Variants in FOXP2 observed in about 807,000 individuals in gnomAD.
FOXP2 encodes forkhead box P2.
In FOXP2, 12 loss-of-function variants were observed where a neutral mutation model predicts 115.8. The observed-to-expected ratio is 0.10, with a 90% CI of 0.07 to 0.17. The LOEUF (loss-of-function observed/expected upper bound fraction) is 0.17, where lower values mean the gene tolerates loss of function less well. Ranked by LOEUF, FOXP2 falls within the 10% of genes least tolerant of loss-of-function variation. FOXP2 has a pLI of 1.00. For missense variants in FOXP2, 629 were observed against 843.5 expected (o/e 0.75, Z 3.15); for synonymous variants, 328 against 297.7 (o/e 1.10, Z -1.05).
At chr7:114,122,677 C>G (rs1014363196) in intron 1 of FOXP2, among the ~76,000 whole-genome samples, 1 of 151,968 alleles carries the variant, frequency 6.6e-6, no homozygotes, top group Non-Finnish European at 1.5e-5. Flanking sequence ...AAATAAGGTT[C>G]AGGGCTGAAA....
At chr7:114,661,269 G>A (rs554885958) in intron 13 of FOXP2, among the ~76,000 whole-genome samples, 18 of 152,126 alleles carry the variant, frequency 1.2e-4, no homozygotes, top group Non-Finnish European at 1.6e-4. Context: ...AATACTCGAT[G>A]TAAATTATGT....
intron 2 of FOXP2, among the ~76,000 whole-genome samples, chr7:114,533,251 T>G (rs1482472938): frequency 6.6e-6 from 1 of 151,954 alleles, no homozygotes; most frequent in Non-Finnish European, 1.5e-5. Flanking sequence ...TTTGTTTACT[T>G]TGGTTTCTAT....
At chr7:114,505,418 T>A (rs1797759243) in intron 2 of FOXP2, among the ~76,000 whole-genome samples, 1 of 151,630 alleles carries the variant, frequency 6.6e-6, no homozygotes, top group Admixed American at 6.6e-5. Context: ...AGGCTTTTCA[T>A]TATTTTCTGT....
intron 10 of FOXP2, among the ~76,000 whole-genome samples, chr7:114,657,036 C>T (rs1806628436): frequency 6.6e-6 from 1 of 152,118 alleles, no homozygotes; most frequent in Non-Finnish European, 1.5e-5. Context: ...GGTTGTATAG[C>T]CTACTGTATA....
chr7:114,535,631 G>A (rs1181947944), intron 3 of FOXP2, among the ~76,000 whole-genome samples: 1 of 151,432 alleles, frequency 6.6e-6, no homozygotes, highest in Non-Finnish European at 1.5e-5. Context: ...TGGCCTTCTG[G>A]AGCTTAGTTT....
chr7:114,205,327 C>T (rs1010592266), intron 1 of FOXP2, among the ~76,000 whole-genome samples: 3 of 151,992 alleles, frequency 2.0e-5, no homozygotes, highest in Non-Finnish European at 4.4e-5. Flanking sequence ...CCCAGTGTTT[C>T]CAAATACACA....
At chr7:114,294,363 A>G (rs1451105522) in intron 2 of FOXP2, among the ~76,000 whole-genome samples, 2 of 152,144 alleles carry the variant, frequency 1.3e-5, no homozygotes, top group Non-Finnish European at 2.9e-5. Flanking sequence ...GTTTTCTGCT[A>G]TCTTTTAATG....
intron 2 of FOXP2, among the ~76,000 whole-genome samples, chr7:114,514,964 G>A (rs1360524894): frequency 4.0e-5 from 6 of 150,734 alleles, no homozygotes; most frequent in South Asian, 2.1e-4. Flanking sequence ...GAGAATATGC[G>A]GTGTTTGGTT....
intron 2 of FOXP2, among the ~76,000 whole-genome samples, chr7:114,402,750 C>G (rs1792916495): frequency 6.6e-6 from 1 of 152,060 alleles, no homozygotes; most frequent in Admixed American, 6.5e-5. Context: ...CCTCAGCCCC[C>G]TGAGTAGCTG....
intron 2 of FOXP2, among the ~76,000 whole-genome samples, chr7:114,454,517 G>A (rs1330124346): frequency 2.7e-4 from 40 of 150,834 alleles, no homozygotes; most frequent in Middle Eastern, 3.4e-3. Flanking sequence ...TCCCATTACT[G>A]GGTATATACC....
At chr7:114,676,075 A>ATTTTTT (rs11327459) in intron 16 of FOXP2, among the ~76,000 whole-genome samples, 12 of 89,554 alleles carry the variant, frequency 1.3e-4, no homozygotes, top group South Asian at 4.2e-4. Flanking sequence ...AGGCCCGGCT[A>ATTTTTT]TTTTTTTTTT....
At chr7:114,582,882 G>C (rs1801940461) in intron 3 of FOXP2, among the ~76,000 whole-genome samples, 1 of 151,994 alleles carries the variant, frequency 6.6e-6, no homozygotes, top group Non-Finnish European at 1.5e-5. Context: ...TCTGCCCTTA[G>C]ACATATTTAA....
At chr7:114,457,684 G>A (rs934752377) in intron 2 of FOXP2, among the ~76,000 whole-genome samples, 25 of 152,130 alleles carry the variant, frequency 1.6e-4, no homozygotes, top group African/African-American at 5.6e-4. Flanking sequence ...AGATCACGAG[G>A]TCAGGAGATC....
At chr7:114,206,603 C>G (rs560903509) in intron 1 of FOXP2, among the ~76,000 whole-genome samples, 1 of 152,232 alleles carries the variant, frequency 6.6e-6, no homozygotes, top group African/African-American at 2.4e-5. Flanking sequence ...TTATTACAAA[C>G]TGTAATTATC....
chr7:114,367,377 A>C (rs180696188), intron 2 of FOXP2, among the ~76,000 whole-genome samples: 41 of 152,262 alleles, frequency 2.7e-4, no homozygotes, highest in Admixed American at 2.7e-3. Context: ...CCAGTTTGAG[A>C]CTTCCAAAAA....
intron 1 of FOXP2, among the ~76,000 whole-genome samples, chr7:114,192,728 T>C (rs1368026513): frequency 6.6e-6 from 1 of 152,368 alleles, no homozygotes; most frequent in East Asian, 1.9e-4. Context: ...TATTTACTGC[T>C]ACATTACTAC....
intron 2 of FOXP2, among the ~76,000 whole-genome samples, chr7:114,475,719 C>A (rs1796227384): frequency 6.6e-6 from 1 of 151,932 alleles, no homozygotes; most frequent in African/African-American, 2.4e-5. Flanking sequence ...AATTAATAAT[C>A]AAAAACATCT....
chr7:114,650,504 A>C (rs1806188258), intron 8 of FOXP2, among the ~76,000 whole-genome samples: 1 of 152,086 alleles, frequency 6.6e-6, no homozygotes, highest in Admixed American at 6.6e-5. Context: ...TTATGCTGGT[A>C]GAAAATTGTC....
At chr7:114,680,612 C>G (rs1808035271) in intron 16 of FOXP2, among the ~76,000 whole-genome samples, 2 of 152,144 alleles carry the variant, frequency 1.3e-5, no homozygotes, top group African/African-American at 4.8e-5. Context: ...TACACTCCTG[C>G]CTTAAGCTAT....
Sources: allele counts gnomAD v4.1 joint callset (sites outside exome capture counted in the v4.1 genomes callset), GRCh38; gene constraint gnomAD v4.1.1; transcripts MANE v1.5; gene names NCBI Gene and HGNC (gene_info 2026-07-23, HGNC 2026-07-21).